Variants in PXDNL observed in about 807,000 individuals in gnomAD.
PXDNL encodes probable oxidoreductase PXDNL.
A neutral mutation model predicts 150.8 loss-of-function variants in PXDNL; 145 were observed. The observed-to-expected ratio is 0.96, with a 90% CI of 0.84 to 1.10. The LOEUF is 1.10. PXDNL is among the 50% of genes least tolerant of loss of function. PXDNL has a pLI of 0.00. For synonymous variants in PXDNL, 757 were observed against 725.7 expected (o/e 1.04, Z -0.69); for missense variants, 2,087 against 1,873.9 (o/e 1.11, Z -2.10).
At chr8:51,515,602 C>T (rs769938930) in intron 4 of PXDNL, among the ~76,000 whole-genome samples, 4 of 152,188 alleles carry the variant, frequency 2.6e-5, no homozygotes, top group African/African-American at 7.2e-5. Flanking sequence ...TGTCCTCCCT[C>T]GTGAACATCT....
At chr8:51,699,953 C>T (rs1286890314) in intron 1 of PXDNL, among the ~76,000 whole-genome samples, 2 of 152,054 alleles carry the variant, frequency 1.3e-5, no homozygotes, top group African/African-American at 2.4e-5. Flanking sequence ...TGACCACAGA[C>T]CACCATGACA....
At chr8:51,743,950 GAGAAAGAAAAAAGAGAGAGAAAA>G (rs1563306968) in intron 1 of PXDNL, among the ~76,000 whole-genome samples, 388 of 8,120 alleles carry the variant, frequency 0.048, no homozygotes, top group Non-Finnish European at 0.1. Flanking sequence ...GAGAGAAAGA[GAGAAAGAAAAAAGAGAGAGAAAA>G]AAGAAAGGAA....
chr8:51,736,005 A>G (rs574719247), intron 1 of PXDNL, among the ~76,000 whole-genome samples: 1 of 152,254 alleles, frequency 6.6e-6, no homozygotes, highest in South Asian at 2.1e-4. Context: ...TAAACTCCCA[A>G]GTTGAATTGT....
rs1563397068 is a variant in PXDNL at position 51,408,094 on chromosome 8, T to C, written c.3530A>G (p.Asp1177Gly). 3.1e-6 allele frequency: 5 copies of C among 1,606,712 alleles called. No homozygotes were observed. Among genetic ancestry groups the C allele is most frequent in the Non-Finnish European group, 4.2e-6 (5 of 1,178,088 alleles). ...TCTCAGTTTTTGTCTAATCTCTGAA[T>C]CTTTAATTTCATTTTGAAGATCCTC... is the stretch of plus-strand genomic sequence containing the variant. ...NFEDLQNEIK[D>G]SEIRQKLRKL... The change falls in exon 17 of 23, where the codon GAT (aspartate) becomes GGT (glycine). Residue 1177 changes from aspartate (D) to glycine (G), a missense_variant. Asp to Gly is a moderately conservative substitution (Grantham distance 94). Coordinates refer to ENST00000356297, the MANE Select transcript of PXDNL (RefSeq NM_144651.5).
intron 5 of PXDNL, among the ~76,000 whole-genome samples, chr8:51,483,927 C>T (rs1810662805): frequency 6.6e-6 from 1 of 152,060 alleles, no homozygotes; most frequent in Non-Finnish European, 1.5e-5. Context: ...TTTTTCACAT[C>T]TGTGTACTTT....
In PXDNL at chr8:51,519,809, C is replaced by T. The variant is rs1418747716; in HGVS notation, c.381-20039G>A. ...GAGACTGGAAGTCAGGATTCCTGTC[C>T]TTACAATAAAAACAAGTTCAACGAA... On this transcript the variant is annotated intron_variant, in intron 4 of 22. Transcript: ENST00000356297. Among the ~76,000 whole-genome samples the T allele has an allele frequency of 3.9e-5, 6 of 152,282 alleles. No homozygotes were observed. The South Asian group carries it at 8.3e-4, about 21-fold the overall frequency.
chr8:51,323,425 G>A (rs953161831), intron 21 of PXDNL, among the ~76,000 whole-genome samples: 1 of 152,024 alleles, frequency 6.6e-6, no homozygotes, highest in African/African-American at 2.4e-5. Flanking sequence ...AACCACTGGT[G>A]TATGCCACCA....
intron 1 of PXDNL, among the ~76,000 whole-genome samples, chr8:51,704,831 C>G (rs1473957776): frequency 6.6e-6 from 1 of 151,872 alleles, no homozygotes; most frequent in Admixed American, 6.6e-5. Context: ...TTTTTTCATT[C>G]TTATTGATTT....
chr8:51,564,583 A>G (rs1812778207), intron 3 of PXDNL, among the ~76,000 whole-genome samples: 1 of 151,780 alleles, frequency 6.6e-6, no homozygotes, highest in South Asian at 2.1e-4. Context: ...ATATGTACTT[A>G]ACATTTAGCA....
intron 21 of PXDNL, among the ~76,000 whole-genome samples, chr8:51,332,142 C>T (rs2130647422): frequency 6.6e-6 from 1 of 152,280 alleles, no homozygotes; most frequent in South Asian, 2.1e-4. Flanking sequence ...ATAGAGAGTT[C>T]ATATCACAGA....
chr8:51,326,411 T>C (rs886855651), intron 21 of PXDNL, among the ~76,000 whole-genome samples: 1 of 152,132 alleles, frequency 6.6e-6, no homozygotes, highest in African/African-American at 2.4e-5. Flanking sequence ...AGCACAAGAA[T>C]CGCTTGAACC....
chr8:51,577,959 GAAAGAA>G (rs1813100919), intron 3 of PXDNL, among the ~76,000 whole-genome samples: 1 of 85,756 alleles, frequency 1.2e-5, no homozygotes, highest in Non-Finnish European at 2.3e-5. Context: ...AAGAAAGAAA[GAAAGAA>G]AGAAAGAAAG....
At chr8:51,764,391 T>A (rs2037202263) in intron 1 of PXDNL, among the ~76,000 whole-genome samples, 4 of 151,500 alleles carry the variant, frequency 2.6e-5, no homozygotes, top group African/African-American at 7.3e-5. Flanking sequence ...TTTTTTTTTT[T>A]AAGTGAAAGT....
intron 1 of PXDNL, among the ~76,000 whole-genome samples, chr8:51,689,679 CA>C (rs1187356662): frequency 2.0e-5 from 3 of 151,968 alleles, no homozygotes; most frequent in African/African-American, 7.3e-5. Context: ...ACGAGAAAAC[CA>C]AAACAACAGG....
At chr8:51,661,914 T>C (rs1157413513) in intron 1 of PXDNL, among the ~76,000 whole-genome samples, 1 of 151,738 alleles carries the variant, frequency 6.6e-6, no homozygotes, top group Non-Finnish European at 1.5e-5. Flanking sequence ...AAGCAGCACT[T>C]ATACATAAAA....
chr8:51,564,926 T>G (rs1048428425), intron 3 of PXDNL, among the ~76,000 whole-genome samples: 21 of 151,898 alleles, frequency 1.4e-4, no homozygotes, highest in African/African-American at 4.8e-4. Context: ...AATCATGTAA[T>G]TTGCAAACAA....
intron 1 of PXDNL, among the ~76,000 whole-genome samples, chr8:51,792,943 G>A (rs990394295): frequency 3.3e-5 from 5 of 152,214 alleles, no homozygotes; most frequent in African/African-American, 1.2e-4. Context: ...CAAATGGGAT[G>A]TCCCCCAGCA....
intron 18 of PXDNL, among the ~76,000 whole-genome samples, chr8:51,374,330 G>A (rs1211432723): frequency 1.3e-5 from 2 of 152,228 alleles, no homozygotes; most frequent in Middle Eastern, 3.2e-3. Flanking sequence ...GCACAACGTA[G>A]TCCATCTAGC....
At chr8:51,581,296 G>A (rs1813207615) in intron 3 of PXDNL, among the ~76,000 whole-genome samples, 1 of 151,998 alleles carries the variant, frequency 6.6e-6, no homozygotes, top group African/African-American at 2.4e-5. Context: ...AGACCAGCAT[G>A]GACAACATGG....
Sources: allele counts gnomAD v4.1 joint callset (sites outside exome capture counted in the v4.1 genomes callset), GRCh38; gene constraint gnomAD v4.1.1; transcripts MANE v1.5; gene names NCBI Gene and HGNC (gene_info 2026-07-23, HGNC 2026-07-21).